Variants in PRKAR2B observed in about 807,000 individuals in gnomAD.
PRKAR2B encodes protein kinase cAMP-dependent type II regulatory subunit beta, also known as cAMP-dependent protein kinase type II-beta regulatory subunit.
Under a neutral mutation model 49.9 loss-of-function variants are expected in PRKAR2B, and 14 were observed. The observed-to-expected ratio is 0.28, with a 90% CI of 0.19 to 0.44. The LOEUF (loss-of-function observed/expected upper bound fraction) is 0.44, where lower values mean the gene tolerates loss of function less well. Ranked by LOEUF, PRKAR2B falls within the 20% of genes least tolerant of loss-of-function variation. PRKAR2B has a pLI of 1.00. For missense variants in PRKAR2B, 393 were observed against 537.9 expected, an observed-to-expected ratio of 0.73 and a Z score of 2.67; for synonymous variants, 196 against 197.7, an observed-to-expected ratio of 0.99 and a Z score of 0.07.
intron 2 of PRKAR2B, among the ~76,000 whole-genome samples, chr7:107,089,477 C>T (rs563215840): frequency 3.3e-5 from 5 of 152,208 alleles, no homozygotes; most frequent in East Asian, 1.9e-4. Flanking sequence ...CCAACTACTG[C>T]GTTATATATA....
intron 2 of PRKAR2B, among the ~76,000 whole-genome samples, chr7:107,097,775 G>C (rs1584426681): frequency 6.6e-6 from 1 of 152,262 alleles, no homozygotes; most frequent in East Asian, 1.9e-4. Flanking sequence ...ATGAAGCTTA[G>C]TTTGGCTGGA....
At chr7:107,073,244 G>A (rs1794318713) in intron 2 of PRKAR2B, among the ~76,000 whole-genome samples, 1 of 152,082 alleles carries the variant, frequency 6.6e-6, no homozygotes, top group South Asian at 2.1e-4. Flanking sequence ...GAATATTTAT[G>A]CTTAACAAAT....
In PRKAR2B at chr7:107,161,700, G is replaced by T. The variant is rs1179707217; in HGVS notation, c.*2118G>T. The T allele has an allele frequency of 6.6e-6, 1 of 152,184 alleles. No individual in the cohort carries two copies. Among genetic ancestry groups the T allele is most frequent in the Non-Finnish European group, 1.5e-5 (1 of 68,032 alleles). 9.4% of individuals were successfully genotyped at this position (152,184 alleles called of 1,614,324 possible). A position where few individuals can be genotyped will look rare whatever the true frequency, so the allele number is the denominator to read the frequency against. On this transcript the variant is annotated 3_prime_UTR_variant, in exon 11 of 11. Coordinates refer to ENST00000265717, the MANE Select transcript of PRKAR2B (RefSeq NM_002736.3). ...TATTAGCTATTCATCATGTGTGGGA[G>T]AAATAATTGTGGTGTGTTGCAGATT...
chr7:107,080,456 C>G (rs1047464685), intron 2 of PRKAR2B, among the ~76,000 whole-genome samples: 1 of 152,086 alleles, frequency 6.6e-6, no homozygotes, highest in Non-Finnish European at 1.5e-5. Flanking sequence ...AAGCAATTAC[C>G]ATTGCCAGGG....
At chr7:107,090,468 C>G (rs1261412743) in intron 2 of PRKAR2B, among the ~76,000 whole-genome samples, 4 of 152,204 alleles carry the variant, frequency 2.6e-5, no homozygotes, top group Non-Finnish European at 5.9e-5. Flanking sequence ...TGCTATGGCA[C>G]AGGGCTCAGA....
intron 1 of PRKAR2B, among the ~76,000 whole-genome samples, chr7:107,048,557 G>T (rs1373804262): frequency 6.6e-6 from 1 of 152,190 alleles, no homozygotes; most frequent in Non-Finnish European, 1.5e-5. Context: ...TAGGACAAAC[G>T]TAGGGATCAA....
At chr7:107,136,285 A>T (rs1795700290) in intron 4 of PRKAR2B, among the ~76,000 whole-genome samples, 1 of 152,220 alleles carries the variant, frequency 6.6e-6, no homozygotes, top group African/African-American at 2.4e-5. Flanking sequence ...TTTTAGATGT[A>T]ACACCAAAGG....
intron 2 of PRKAR2B, among the ~76,000 whole-genome samples, chr7:107,107,336 CAAA>C (rs548269284): frequency 2.9e-5 from 4 of 139,646 alleles, no homozygotes; most frequent in Non-Finnish European, 6.3e-5. Context: ...GACTCCATCT[CAAA>C]AAAAAAAAGC....
intron 2 of PRKAR2B, among the ~76,000 whole-genome samples, chr7:107,078,800 T>G (rs1794457567): frequency 6.6e-6 from 1 of 152,214 alleles, no homozygotes; most frequent in Non-Finnish European, 1.5e-5. Context: ...AGAAATTAGA[T>G]TATCTCTTGA....
chr7:107,142,309 G>A (rs1201778325), intron 5 of PRKAR2B, among the ~76,000 whole-genome samples: 1 of 152,170 alleles, frequency 6.6e-6, no homozygotes, highest in African/African-American at 2.4e-5. Context: ...AATTCCTGGT[G>A]ACCTGTGGCT....
chr7:107,049,436 C>G (rs1339736130), intron 1 of PRKAR2B, among the ~76,000 whole-genome samples: 1 of 152,144 alleles, frequency 6.6e-6, no homozygotes, highest in Non-Finnish European at 1.5e-5. Context: ...AGAAATTTAC[C>G]ATGTAATAAC....
intron 1 of PRKAR2B, among the ~76,000 whole-genome samples, chr7:107,051,278 A>T (rs1212707565): frequency 4.6e-5 from 7 of 152,330 alleles, no homozygotes; most frequent in African/African-American, 1.7e-4. Flanking sequence ...CAGAATTTCC[A>T]GGTTTTTTTG....
chr7:107,135,203 G>A (rs892545076), intron 4 of PRKAR2B, among the ~76,000 whole-genome samples: 6 of 152,030 alleles, frequency 3.9e-5, no homozygotes, highest in Non-Finnish European at 5.9e-5. Flanking sequence ...AATTTTCAAC[G>A]TGGTTAGTCG....
In PRKAR2B at chr7:107,153,182, T is replaced by G. The variant is rs775084818; in HGVS notation, c.849T>G (p.Ser283=). The G allele has an allele frequency of 6.2e-7, 1 of 1,606,762 alleles. No homozygotes were observed. Among genetic ancestry groups the G allele is most frequent in the Non-Finnish European group, 8.5e-7 (1 of 1,176,752 alleles). ...TTGTTTTTCTTTCTTTGTAGTTTTC[T>G]GAACGCCTGAAAGTAGTAGATGTGA... ...SLPFLKSLEF[S]ERLKVVDVIG... is the part of the protein sequence containing the mutation. Residue 283 remains serine, a synonymous_variant, in exon 8 of 11, where the codon TCT becomes TCG. Coordinates refer to ENST00000265717, the MANE Select transcript of PRKAR2B (RefSeq NM_002736.3).
At position 107,045,226 on chromosome 7, in the gene PRKAR2B, A is replaced by AC. The variant is rs1272711029; in HGVS notation, c.307+18dup. 10 of 1,401,996 alleles carry AC rather than the reference A, an allele frequency of 7.1e-6. No homozygotes were observed. In the Admixed American group the frequency reaches 9.0e-5, roughly 13 times the overall value. 86.8% of individuals were successfully genotyped at this position (1,401,996 alleles called of 1,614,324 possible). A position where few individuals can be genotyped will look rare whatever the true frequency, so the allele number is the denominator to read the frequency against. The stretch of plus-strand genomic sequence containing the variant: ...AGGGGCGTTCAATGGTGAGGACCAG[A>AC]CCCCCCACTTCGCGCCCCCGGATCC... On this transcript the variant is annotated intron_variant, in intron 1 of 10. Transcript: ENST00000265717.
At chr7:107,114,866 G>GA (rs528078211) in intron 2 of PRKAR2B, among the ~76,000 whole-genome samples, 51 of 152,000 alleles carry the variant, frequency 3.4e-4, no homozygotes, top group Non-Finnish European at 6.9e-4. Flanking sequence ...ACATGTAAAG[G>GA]AAAATCTTTT....
rs1189927491 is a variant in PRKAR2B at position 107,160,122 on chromosome 7, T to C, written c.*540T>C. 6.5e-6 allele frequency: 1 copy of C among 152,700 alleles called. No individual in the cohort carries two copies. Among genetic ancestry groups the C allele is most frequent in the Non-Finnish European group, 1.5e-5 (1 of 68,056 alleles). 9.5% of individuals were successfully genotyped at this position (152,700 alleles called of 1,614,324 possible). On this transcript the variant is annotated 3_prime_UTR_variant, in exon 11 of 11. Coordinates refer to ENST00000265717, the MANE Select transcript of PRKAR2B (RefSeq NM_002736.3). The stretch of plus-strand genomic sequence containing the variant: ...CCTATTGGTGAAATGGTATAAAATA[T>C]CATATGCAGTTTTAAAACTTTTTAT...
At chr7:107,128,363 AGGGTCT>A in intron 4 of PRKAR2B, 68 bp downstream of exon 4, 1 of 1,215,130 alleles carries the variant, frequency 8.2e-7, no homozygotes, top group African/African-American at 1.5e-5. Flanking sequence ...AGAACTGTAC[AGGGTCT>A]TGAGTTTTGC....
intron 1 of PRKAR2B, among the ~76,000 whole-genome samples, chr7:107,053,981 G>C (rs1334392198): frequency 6.6e-6 from 1 of 152,100 alleles, no homozygotes; most frequent in Non-Finnish European, 1.5e-5. Context: ...CATGTGCTTG[G>C]ATTACCTATT....
Sources: gnomAD v4.1 joint callset for allele counts (sites outside exome capture counted in the v4.1 genomes callset) on GRCh38, gnomAD v4.1.1 for gene constraint, MANE v1.5 for transcripts, NCBI Gene and HGNC (gene_info 2026-07-23, HGNC 2026-07-21) for gene names.